The following GRIP1 variants were observed in gnomAD, a reference collection of about 807,000 sequenced individuals.
The protein encoded by GRIP1 is glutamate receptor interacting protein 1, also known as glutamate receptor-interacting protein 1.
In GRIP1, 45 loss-of-function variants were observed where a neutral mutation model predicts 129.9. That is an observed-to-expected ratio of 0.35 (90% CI 0.27 to 0.44). GRIP1 has a LOEUF of 0.44. Ranked by LOEUF, GRIP1 falls within the 20% of genes least tolerant of loss-of-function variation. The pLI, the probability that GRIP1 is intolerant of heterozygous loss-of-function variation, is 1.00. For synonymous variants in GRIP1, 530 were observed against 520.8 expected (o/e 1.02, Z -0.24); for missense variants, 1,196 against 1,396.8 (o/e 0.86, Z 2.29).
intron 1 of GRIP1, among the ~76,000 whole-genome samples, chr12:66,999,466 G>A (rs2042518992): frequency 6.6e-6 from 1 of 152,076 alleles, no homozygotes; most frequent in Non-Finnish European, 1.5e-5. Context: ...ATACTTTGCT[G>A]CCTCTCTATA....
At chr12:66,352,065 C>G (rs1254961381) in intron 24 of GRIP1, among the ~76,000 whole-genome samples, 1 of 152,196 alleles carries the variant, frequency 6.6e-6, no homozygotes. Context: ...CGCTTCTATT[C>G]TGCTGTGCAG....
intron 4 of GRIP1, among the ~76,000 whole-genome samples, chr12:66,530,383 T>G (rs1233962278): frequency 6.6e-6 from 1 of 152,212 alleles, no homozygotes; most frequent in South Asian, 2.1e-4. Context: ...ATTAGGCTGA[T>G]GCTAATAGAT....
At chr12:66,459,315 A>G (rs2059064975) in intron 9 of GRIP1, among the ~76,000 whole-genome samples, 2 of 152,216 alleles carry the variant, frequency 1.3e-5, no homozygotes, top group Admixed American at 1.3e-4. Flanking sequence ...TCCTCATTCT[A>G]CTTTGGGTGT....
chr12:66,414,585 A>G (rs1015651924), intron 15 of GRIP1, among the ~76,000 whole-genome samples: 5 of 152,078 alleles, frequency 3.3e-5, no homozygotes, highest in South Asian at 2.1e-4. Context: ...GCAGAATTAG[A>G]AAAAAACTAC....
chr12:66,539,727 G>C (rs1364079048), intron 3 of GRIP1, among the ~76,000 whole-genome samples: 1 of 151,898 alleles, frequency 6.6e-6, no homozygotes, highest in East Asian at 1.9e-4. Flanking sequence ...CCAGGACTAA[G>C]GAAAGGGTCA....
At chr12:66,442,451 C>T (rs778364665) in intron 13 of GRIP1, among the ~76,000 whole-genome samples, 33 of 152,212 alleles carry the variant, frequency 2.2e-4, no homozygotes, top group Non-Finnish European at 4.4e-5. Flanking sequence ...AAAACTAGCT[C>T]CCCTAAAGTC....
chr12:66,964,766 A>G (rs546953767), intron 1 of GRIP1, among the ~76,000 whole-genome samples: 10 of 152,136 alleles, frequency 6.6e-5, no homozygotes, highest in Non-Finnish European at 1.5e-4. Context: ...GGTGGCTTAA[A>G]CCACAGAAAT....
At chr12:66,782,619 T>C (rs1344848736) in intron 1 of GRIP1, among the ~76,000 whole-genome samples, 2 of 152,212 alleles carry the variant, frequency 1.3e-5, no homozygotes, top group Non-Finnish European at 2.9e-5. Context: ...CTTTCACTTC[T>C]GGTTATGGAA....
chr12:66,964,851 C>T (rs577931684), intron 1 of GRIP1, among the ~76,000 whole-genome samples: 185 of 152,098 alleles, frequency 1.2e-3, no homozygotes, highest in Non-Finnish European at 2.1e-3. Flanking sequence ...TCCTCTGAGG[C>T]CTCTTTTCTT....
In GRIP1 at chr12:66,740,053, C is replaced by A. The variant is rs567274770; in HGVS notation, c.-420+64000G>T. On this transcript the variant is annotated intron_variant, in intron 1 of 4. Transcript: ENST00000538373. ...GACCCTGAGTCCTGCCATTTTTATC[C>A]AAGCTCTTCTGACAGATGCCCTTAA... 2.6e-5 allele frequency among the ~76,000 whole-genome samples: 4 copies of A among 152,258 alleles called. No homozygotes were observed. In the East Asian group the frequency reaches 7.7e-4, roughly 29 times the overall value.
chr12:66,499,958 C>G (rs1434879391), intron 7 of GRIP1, among the ~76,000 whole-genome samples: 1 of 152,140 alleles, frequency 6.6e-6, no homozygotes, highest in Non-Finnish European at 1.5e-5. Flanking sequence ...TGCTGTGAAC[C>G]TACCACCTCA....
chr12:66,738,051 A>T (rs755363610), intron 1 of GRIP1, among the ~76,000 whole-genome samples: 1 of 151,894 alleles, frequency 6.6e-6, no homozygotes, highest in Admixed American at 6.6e-5. Flanking sequence ...GGTGCCTGGG[A>T]CCCCCTGGCT....
intron 1 of GRIP1, among the ~76,000 whole-genome samples, chr12:66,910,285 T>C (rs1221754969): frequency 6.6e-6 from 1 of 152,208 alleles, no homozygotes; most frequent in Admixed American, 6.5e-5. Context: ...GTACAAAAGA[T>C]GAAGCAGGGT....
chr12:66,791,875 G>A (rs1168188869), intron 1 of GRIP1, among the ~76,000 whole-genome samples: 1 of 151,956 alleles, frequency 6.6e-6, no homozygotes, highest in Admixed American at 6.6e-5. Flanking sequence ...GTACCACTCC[G>A]TATGTCTTTG....
chr12:66,888,899 A>G (rs2040610500), intron 1 of GRIP1, among the ~76,000 whole-genome samples: 1 of 152,268 alleles, frequency 6.6e-6, no homozygotes, highest in African/African-American at 2.4e-5. Context: ...AATCTGAGTA[A>G]GAGTGCCCTA....
Position 66,349,034 on chromosome 12 carries a change from G to A in GRIP1, c.3372C>T (p.Pro1124=). 6.2e-7 allele frequency: 1 copy of A among 1,609,154 alleles called. No homozygotes were observed. Among genetic ancestry groups the A allele is most frequent in the Non-Finnish European group, 8.5e-7 (1 of 1,175,454 alleles). ...AAAAGCGTTGCTATAATGTATTAGT[G>A]GGTTCTCGTGTCTCCAAATTACCAC... The part of the protein sequence containing the change: ...SHGGNLETRE[P]TNTL The change falls in exon 25 of 25, where the codon CCC becomes CCT. Residue 1124 remains proline (P), a synonymous_variant. Coordinates refer to ENST00000359742, the MANE Select transcript of GRIP1 (RefSeq NM_001366722.1).
At chr12:66,640,947 C>A (rs2031866843) in intron 1 of GRIP1, among the ~76,000 whole-genome samples, 2 of 152,208 alleles carry the variant, frequency 1.3e-5, no homozygotes, top group South Asian at 4.1e-4. Flanking sequence ...CACAGTGAAT[C>A]AGACAATGAC....
At chr12:66,820,227 G>A (rs1045617735) in intron 1 of GRIP1, among the ~76,000 whole-genome samples, 38 of 152,208 alleles carry the variant, frequency 2.5e-4, no homozygotes, top group African/African-American at 8.9e-4. Context: ...TGGCTAACAC[G>A]GTGGTAAATA....
chr12:66,944,304 C>T (rs59099543), intron 1 of GRIP1, among the ~76,000 whole-genome samples: 5,686 of 152,226 alleles, frequency 0.037, 329 homozygotes, highest in African/African-American at 0.13. Flanking sequence ...TCCCCCTTTA[C>T]AGAGTTAGAG....
Sources: allele counts gnomAD v4.1 joint callset (sites outside exome capture counted in the v4.1 genomes callset), GRCh38; gene constraint gnomAD v4.1.1; transcripts MANE v1.5; gene names NCBI Gene and HGNC (gene_info 2026-07-23, HGNC 2026-07-21).